The following CDC14A variants were observed in gnomAD, a reference collection of about 807,000 sequenced individuals.
CDC14A encodes the protein cell division cycle 14A, also known as dual specificity protein phosphatase CDC14A.
CDC14A carries 53 observed loss-of-function variants against 74.4 expected under a neutral mutation model. The observed-to-expected ratio is 0.71, with a 90% CI of 0.57 to 0.89. The LOEUF is 0.89. Among genes scored for constraint, CDC14A ranks in the 40% least tolerant of loss-of-function variants. The probability of loss-of-function intolerance (pLI) is 0.00; values close to 1 mark genes in which losing one functional copy is unlikely to be tolerated. For missense variants in CDC14A, 646 were observed against 713.7 expected (o/e 0.91, Z 1.08); for synonymous variants, 247 against 258.4 (o/e 0.96, Z 0.43).
intron 4 of CDC14A, among the ~76,000 whole-genome samples, chr1:100,420,057 C>T (rs866869533): frequency 0.021 from 641 of 30,350 alleles, 12 homozygotes; most frequent in African/African-American, 0.067. Context: ...CACACACACA[C>T]ACACACATAT....
At chr1:100,429,702 A>C (rs1348265648) in intron 5 of CDC14A, among the ~76,000 whole-genome samples, 1 of 144,080 alleles carries the variant, frequency 6.9e-6, no homozygotes, top group Admixed American at 7.0e-5. Flanking sequence ...ATATATATAT[A>C]TCAAGTATAT....
In CDC14A at chr1:100,367,713, A is replaced by G. The variant is rs563434678; in HGVS notation, c.141-9833A>G. Among the ~76,000 whole-genome samples the G allele has an allele frequency of 1.8e-3, 275 of 152,124 alleles. 4 individuals carry two copies. The highest frequency in any genetic ancestry group is 3.1e-3 in the Non-Finnish European group (209 of 68,022). On this transcript the variant is annotated intron_variant, in intron 2 of 15. Transcript: ENST00000336454. ...GCAAAACTTTTGACTGAATTTTTTT[A>G]GTGTAACTTGAAGCTCATCCGTCTT...
chr1:100,446,031 C>G (rs903661293), intron 7 of CDC14A, among the ~76,000 whole-genome samples: 18 of 152,158 alleles, frequency 1.2e-4, no homozygotes, highest in African/African-American at 4.1e-4. Flanking sequence ...ATTTCTCTTG[C>G]TGTTTGCCCT....
At chr1:100,494,767 C>A in intron 11 of CDC14A, 51 bp from the exon 12 acceptor site, 1 of 946,692 alleles carries the variant, frequency 1.1e-6, no homozygotes, top group Non-Finnish European at 1.7e-6. Context: ...GTTAAGAAAC[C>A]TATATAAAGC....
intron 4 of CDC14A, among the ~76,000 whole-genome samples, chr1:100,407,328 C>T (rs780358659): frequency 1.3e-5 from 2 of 152,120 alleles, no homozygotes; most frequent in African/African-American, 4.8e-5. Flanking sequence ...TCTTCCTGTG[C>T]GTGAACATGG....
chr1:100,395,298 A>G (rs1658317819), intron 4 of CDC14A, among the ~76,000 whole-genome samples: 2 of 152,358 alleles, frequency 1.3e-5, no homozygotes, highest in South Asian at 2.1e-4. Flanking sequence ...CATCTAAATG[A>G]TACCTCAAAT....
At chr1:100,474,063 G>A (rs1006272521) in intron 10 of CDC14A, among the ~76,000 whole-genome samples, 9 of 152,104 alleles carry the variant, frequency 5.9e-5, no homozygotes, top group South Asian at 2.1e-4. Flanking sequence ...ATGAATGAGT[G>A]TTGAATCTTG....
chr1:100,442,077 A>G (rs1213063571), intron 6 of CDC14A, among the ~76,000 whole-genome samples: 3 of 151,756 alleles, frequency 2.0e-5, no homozygotes, highest in Admixed American at 6.6e-5. Context: ...ATTAGATCTG[A>G]GCTAGCTGGA....
intron 8 of CDC14A, among the ~76,000 whole-genome samples, chr1:100,456,602 C>G (rs1461323419): frequency 6.7e-6 from 1 of 150,098 alleles, no homozygotes; most frequent in Admixed American, 6.6e-5. Flanking sequence ...GCCAGAAGTT[C>G]AAGACCAGCC....
At chr1:100,511,740 T>C (rs1195047338) in intron 15 of CDC14A, among the ~76,000 whole-genome samples, 1 of 152,214 alleles carries the variant, frequency 6.6e-6, no homozygotes, top group Non-Finnish European at 1.5e-5. Context: ...CCTCTGTCCT[T>C]CCATTCTTAC....
rs34870212 is a variant in CDC14A at position 100,507,676 on chromosome 1, AT to A, written c.1755+8425del. Among the ~76,000 whole-genome samples the A allele has an allele frequency of 1.5e-3, 225 of 146,304 alleles. 1 individual carries two copies. Among genetic ancestry groups the A allele is most frequent in the African/African-American group, 4.7e-3 (186 of 39,988 alleles). On this transcript the variant is annotated intron_variant, in intron 15 of 15. Coordinates refer to ENST00000336454, the MANE Select transcript of CDC14A (RefSeq NM_003672.4). ...TTTCTCCTTTTGCAATAGCCCCACA[AT>A]TTTTTTTTTTAATAGAAGGAGTCTC...
At chr1:100,363,222 C>T (rs888676588) in intron 2 of CDC14A, 1 of 152,218 alleles carries the variant, frequency 6.6e-6, no homozygotes. Flanking sequence ...ATGCCTAGTC[C>T]CAGGTAGTAG....
At chr1:100,479,396 C>T (rs1669231135) in intron 10 of CDC14A, among the ~76,000 whole-genome samples, 1 of 152,016 alleles carries the variant, frequency 6.6e-6, no homozygotes, top group South Asian at 2.1e-4. Flanking sequence ...ACATTGTACC[C>T]AATATGTAGC....
intron 2 of CDC14A, chr1:100,363,285 T>C (rs1653049026): frequency 6.6e-6 from 1 of 152,238 alleles, no homozygotes; most frequent in African/African-American, 2.4e-5. Context: ...TCCAGCTTGC[T>C]TGTTTACGTG....
intron 3 of CDC14A, among the ~76,000 whole-genome samples, chr1:100,390,093 G>T (rs773528672): frequency 1.6e-4 from 24 of 152,076 alleles, no homozygotes; most frequent in Non-Finnish European, 2.9e-4. Flanking sequence ...ATATTGCCTG[G>T]CATATAACAG....
intron 15 of CDC14A, among the ~76,000 whole-genome samples, chr1:100,501,817 A>T (rs1648763774): frequency 6.6e-6 from 1 of 152,180 alleles, no homozygotes; most frequent in African/African-American, 2.4e-5. Context: ...GATATTGATT[A>T]TCCTGACCTG....
chr1:100,362,544 C>T (rs1369222480), intron 2 of CDC14A, among the ~76,000 whole-genome samples: 22 of 152,062 alleles, frequency 1.4e-4, no homozygotes, highest in Admixed American at 1.4e-3. Flanking sequence ...ATTTTTCTCT[C>T]TTTGGTCATT....
chr1:100,497,990 T>C, intron 13 of CDC14A, 95 bp from the exon 14 acceptor site: 1 of 1,358,580 alleles, frequency 7.4e-7, no homozygotes, highest in Non-Finnish European at 1.0e-6. Context: ...TCATGATATC[T>C]TTAAGATTGA....
intron 3 of CDC14A, among the ~76,000 whole-genome samples, chr1:100,385,544 A>G (rs1283172036): frequency 6.6e-6 from 1 of 152,262 alleles, no homozygotes; most frequent in Non-Finnish European, 1.5e-5. Context: ...ATTCTGAAGC[A>G]TGAAACTTGT....
Sources: allele counts gnomAD v4.1 joint callset (sites outside exome capture counted in the v4.1 genomes callset), GRCh38; gene constraint gnomAD v4.1.1; transcripts MANE v1.5; gene names NCBI Gene and HGNC (gene_info 2026-07-23, HGNC 2026-07-21).